RAD17: variants seen among roughly 807,000 people sequenced by gnomAD.
RAD17 encodes the protein RAD17 checkpoint clamp loader component, also known as cell cycle checkpoint protein RAD17.
In RAD17, 31 loss-of-function variants were observed where a neutral mutation model predicts 81.5. That is an observed-to-expected ratio of 0.38 (90% CI 0.29 to 0.51). The LOEUF is 0.51. Among genes scored for constraint, RAD17 ranks in the 20% least tolerant of loss-of-function variants. RAD17 has a pLI of 0.88. For synonymous variants in RAD17, 261 were observed against 266.2 expected, an observed-to-expected ratio of 0.98 and a Z score of 0.19; for missense variants, 681 against 781.2, an observed-to-expected ratio of 0.87 and a Z score of 1.53.
chr5:69,377,596 T>G lies in RAD17; in HGVS notation c.351+2885T>G, dbSNP rs1354508723. Among the ~76,000 whole-genome samples, 7 of 53,920 alleles carry G rather than the reference T, an allele frequency of 1.3e-4. 1 individual carries two copies. Among genetic ancestry groups the G allele is most frequent in the Non-Finnish European group, 2.9e-4 (7 of 24,288 alleles). 35.4% of individuals were successfully genotyped at this position (53,920 alleles called of 152,430 possible). A position where few individuals can be genotyped will look rare whatever the true frequency, so the allele number is the denominator to read the frequency against. ...GCATATATATGTATACATATATATA[T>G]GCATATATATATGTATACATATATA... On this transcript the variant is annotated intron_variant, in intron 6 of 18. Transcript: ENST00000354868.
At chr5:69,411,618 G>A (rs1057338970) in intron 18 of RAD17, among the ~76,000 whole-genome samples, 1 of 152,042 alleles carries the variant, frequency 6.6e-6, no homozygotes, top group African/African-American at 2.4e-5. Context: ...TACTGGCTTA[G>A]CTATGTGGGG....
intron 17 of RAD17, among the ~76,000 whole-genome samples, chr5:69,403,846 G>A (rs1186243436): frequency 6.6e-6 from 1 of 152,108 alleles, no homozygotes; most frequent in African/African-American, 2.4e-5. Context: ...ACTTGAGCCC[G>A]GGAAGTGAAG....
intron 6 of RAD17, among the ~76,000 whole-genome samples, chr5:69,380,087 G>A (rs187744848): frequency 2.6e-5 from 4 of 152,052 alleles, no homozygotes; most frequent in Non-Finnish European, 5.9e-5. Flanking sequence ...CTCCATGTTG[G>A]CCAGGCTGGT....
At chr5:69,397,925 G>A (rs1294840364) in intron 16 of RAD17, among the ~76,000 whole-genome samples, 1 of 152,146 alleles carries the variant, frequency 6.6e-6, no homozygotes, top group Non-Finnish European at 1.5e-5. Flanking sequence ...AGACCATCCT[G>A]GCTAACACGA....
In RAD17 at chr5:69,414,319, C is replaced by T; in HGVS notation, c.*27C>T. The T allele has an allele frequency of 6.2e-7, 1 of 1,600,894 alleles. No individual in the cohort carries two copies. Among genetic ancestry groups the T allele is most frequent in the Non-Finnish European group, 8.5e-7 (1 of 1,170,592 alleles). On this transcript the variant is annotated 3_prime_UTR_variant, in exon 19 of 19. Transcript: ENST00000354868. Reference sequence around the variant, plus strand: ...AGCCAGCCTGCTAATCAGATTGCTACTTCACAGCTTCATTTTTGTTTCATT... The same window carrying T: ...AGCCAGCCTGCTAATCAGATTGCTATTTCACAGCTTCATTTTTGTTTCATT...
intron 12 of RAD17, 147 bp from the exon 13 acceptor site, chr5:69,391,684 C>T (rs1764564016): frequency 3.4e-6 from 2 of 585,148 alleles, no homozygotes; most frequent in Non-Finnish European, 5.4e-6. Flanking sequence ...AAAGAGGATT[C>T]CAACTCAGTT....
chr5:69,402,003 CAAAAAA>C (rs1173414879), intron 17 of RAD17, among the ~76,000 whole-genome samples: 39 of 44,926 alleles, frequency 8.7e-4, no homozygotes, highest in Non-Finnish European at 1.2e-3. Flanking sequence ...GACTCTGTCT[CAAAAAA>C]AAAAAAAAAA....
At chr5:69,382,088 G>A in intron 7 of RAD17, 31 bp downstream of exon 7, 1 of 1,596,372 alleles carries the variant, frequency 6.3e-7, no homozygotes, top group South Asian at 1.1e-5. Context: ...AGTAGAAGTA[G>A]TGGGGCAAAC....
intron 6 of RAD17, among the ~76,000 whole-genome samples, chr5:69,375,961 CTAA>C (rs1208650614): frequency 6.6e-6 from 1 of 152,066 alleles, no homozygotes; most frequent in Admixed American, 6.5e-5. Flanking sequence ...TTGTTTCCTC[CTAA>C]TAATGATTAA....
At chr5:69,403,814 G>T (rs957017438) in intron 17 of RAD17, among the ~76,000 whole-genome samples, 2 of 152,054 alleles carry the variant, frequency 1.3e-5, no homozygotes, top group African/African-American at 4.8e-5. Flanking sequence ...CCAGCTACTC[G>T]GGAGGCTGAA....
At chr5:69,384,032 G>T (rs1764017559) in intron 7 of RAD17, 1 of 152,072 alleles carries the variant, frequency 6.6e-6, no homozygotes, top group African/African-American at 2.4e-5. Flanking sequence ...CAGGCGTGGT[G>T]GTGTGTTCCT....
At chr5:69,407,382 A>G (rs1580442164) in intron 17 of RAD17, among the ~76,000 whole-genome samples, 1 of 152,154 alleles carries the variant, frequency 6.6e-6, no homozygotes, top group East Asian at 1.9e-4. Flanking sequence ...ATCAATTTTT[A>G]TACTGTTTCT....
At chr5:69,382,405 A>G (rs987878880) in intron 7 of RAD17, among the ~76,000 whole-genome samples, 8 of 152,216 alleles carry the variant, frequency 5.3e-5, no homozygotes, top group African/African-American at 1.7e-4. Context: ...TAGTGTTACC[A>G]TCGTGCTCCA....
At chr5:69,399,342 A>G (rs960553587) in intron 16 of RAD17, among the ~76,000 whole-genome samples, 26 of 152,174 alleles carry the variant, frequency 1.7e-4, no homozygotes, top group Non-Finnish European at 3.1e-4. Context: ...CCCCTTTGAG[A>G]TGAGAGTAGT....
chr5:69,386,038 A>G lies in RAD17; in HGVS notation c.646-5A>G. The G allele has an allele frequency of 6.4e-7, 1 of 1,557,370 alleles. No individual in the cohort carries two copies. The highest frequency in any genetic ancestry group is 8.6e-7 in the Non-Finnish European group (1 of 1,157,212). ...ATACTATTATTTATTTTTTATTTTC[A>G]ATAGGATTTACCTAACCAGTTTTAT... On this transcript the variant is annotated splice_region_variant and splice_polypyrimidine_tract_variant and intron_variant, in intron 8 of 18. Coordinates refer to ENST00000354868, the MANE Select transcript of RAD17 (RefSeq NM_133338.3).
Position 69,374,705 on chromosome 5 carries a change from A to C in RAD17, c.345A>C (p.Pro115=). The part of the protein sequence containing the change: ...WLKAQVLERQ[P]KQGGSILLIT... Reference sequence around the variant, plus strand: ...AAGCTCAAGTTTTAGAAAGGCAACCAAAACAGGTAACTAAGAAATGTGTTT... The same window carrying C: ...AAGCTCAAGTTTTAGAAAGGCAACCCAAACAGGTAACTAAGAAATGTGTTT... Residue 115 remains proline, a synonymous_variant, in exon 6 of 19, where the codon CCA becomes CCC. Transcript: ENST00000354868. 1 of 1,602,876 alleles carries C rather than the reference A, an allele frequency of 6.2e-7. No individual in the cohort carries two copies. The highest frequency in any genetic ancestry group is 8.5e-7 in the Non-Finnish European group (1 of 1,173,512).
In RAD17 at chr5:69,410,582, G is replaced by C. The variant is rs79884049; in HGVS notation, c.1751+32G>C. The C allele has an allele frequency of 7.8e-4, 1,233 of 1,590,916 alleles. 17 individuals carry two copies. In the African/African-American group the frequency reaches 0.016, roughly 20 times the overall value. ...TGATCATCTCAATTTCCAAAAAGCT[G>C]ATAATGAAATGTCTACTGAATATGT... On this transcript the variant is annotated intron_variant, in intron 18 of 18. Coordinates refer to ENST00000354868, the MANE Select transcript of RAD17 (RefSeq NM_133338.3).
intron 17 of RAD17, among the ~76,000 whole-genome samples, chr5:69,405,356 A>C (rs186680187): frequency 2.0e-4 from 31 of 151,506 alleles, no homozygotes; most frequent in Middle Eastern, 3.4e-3. Flanking sequence ...CACACACAAA[A>C]AAAAAAAACA....
chr5:69,411,603 C>T (rs528705560), intron 18 of RAD17, among the ~76,000 whole-genome samples: 6 of 152,100 alleles, frequency 3.9e-5, no homozygotes, highest in African/African-American at 1.4e-4. Context: ...ATGTTTTTTT[C>T]TGTATACTGG....
Sources: gnomAD v4.1 joint callset for allele counts (sites outside exome capture counted in the v4.1 genomes callset) on GRCh38, gnomAD v4.1.1 for gene constraint, MANE v1.5 for transcripts, NCBI Gene and HGNC (gene_info 2026-07-23, HGNC 2026-07-21) for gene names.